PRDM5: variants seen among roughly 807,000 people sequenced by gnomAD.
PRDM5 encodes the protein PR/SET domain 5.
In PRDM5, 56 loss-of-function variants were observed where a neutral mutation model predicts 81.2. The observed-to-expected ratio is 0.69, with a 90% confidence interval of 0.56 to 0.86. PRDM5 has a LOEUF of 0.86. PRDM5 is among the 40% of genes least tolerant of loss of function. PRDM5 has a pLI of 0.00. For synonymous variants in PRDM5, 267 were observed against 256.4 expected, an observed-to-expected ratio of 1.04 and a Z score of -0.39; for missense variants, 697 against 770.1, an observed-to-expected ratio of 0.91 and a Z score of 1.12.
At chr4:120,916,062 C>G (rs1724117895) in intron 1 of PRDM5, among the ~76,000 whole-genome samples, 1 of 152,258 alleles carries the variant, frequency 6.6e-6, no homozygotes, top group South Asian at 2.1e-4. Flanking sequence ...CTTCAGCATT[C>G]AGAATATGAT....
intron 2 of PRDM5, among the ~76,000 whole-genome samples, chr4:120,904,207 A>AAAAAAAAAAAAAAAC (rs1561676162): frequency 7.1e-6 from 1 of 141,302 alleles, no homozygotes; most frequent in African/African-American, 2.8e-5. Context: ...AAAAAAAAAC[A>AAAAAAAAAAAAAAAC]AAAAAACCTC....
At chr4:120,911,879 G>A (rs1766554444) in intron 1 of PRDM5, among the ~76,000 whole-genome samples, 1 of 152,140 alleles carries the variant, frequency 6.6e-6, no homozygotes, top group African/African-American at 2.4e-5. Context: ...AATCTCATTT[G>A]CTATCATTAG....
At chr4:120,798,497 C>G (rs1424497808) in intron 9 of PRDM5, 73 bp from the exon 10 acceptor site, 1 of 1,330,798 alleles carries the variant, frequency 7.5e-7, no homozygotes, top group Non-Finnish European at 1.1e-6. Flanking sequence ...ACACCCTTAC[C>G]TTATATTACT....
Position 120,818,470 on chromosome 4 carries a change from C to A in PRDM5, c.533G>T (p.Ser178Ile), listed in dbSNP as rs954624177. The A allele has an allele frequency of 1.2e-6, 2 of 1,613,626 alleles. No individual in the cohort carries two copies. The highest frequency in any genetic ancestry group is 1.7e-6 in the Non-Finnish European group (2 of 1,179,556). ...GAGATGCTCAGCAAGAATATCCTCA[C>A]TGGTAAAACTCGATTCACATTGAGG... ...ACPQCESSFT[S>I]EDILAEHLQT... The change falls in exon 5 of 16, where the codon AGT (serine) becomes ATT (isoleucine). Residue 178 changes from serine (S) to isoleucine (I), a missense_variant. Ser to Ile is a moderately radical substitution (Grantham distance 142, BLOSUM62 -2). Transcript: ENST00000264808.
At chr4:120,734,243 CTTTG>C (rs373854525) in intron 14 of PRDM5, among the ~76,000 whole-genome samples, 10,319 of 150,898 alleles carry the variant, frequency 0.068, 451 homozygotes, top group South Asian at 0.16. Context: ...TGGGGGAGGG[CTTTG>C]TTTGTTTGTT....
chr4:120,848,885 C>A (rs1758946822), intron 3 of PRDM5, among the ~76,000 whole-genome samples: 1 of 151,916 alleles, frequency 6.6e-6, no homozygotes, highest in Non-Finnish European at 1.5e-5. Context: ...GGAAGATAAC[C>A]TATTAAAAGA....
intron 1 of PRDM5, among the ~76,000 whole-genome samples, chr4:120,921,364 G>A (rs1579253354): frequency 6.6e-6 from 1 of 152,046 alleles, no homozygotes; most frequent in East Asian, 1.9e-4. Context: ...GAACATTCTC[G>A]CCAACTCCCA....
chr4:120,856,121 T>C (rs1579004302), intron 2 of PRDM5, among the ~76,000 whole-genome samples: 1 of 152,208 alleles, frequency 6.6e-6, no homozygotes, highest in East Asian at 1.9e-4. Flanking sequence ...AATTATTCAG[T>C]ATTAGCAACT....
intron 14 of PRDM5, among the ~76,000 whole-genome samples, chr4:120,727,748 C>G (rs1024650607): frequency 6.6e-6 from 1 of 151,958 alleles, no homozygotes; most frequent in African/African-American, 2.4e-5. Flanking sequence ...CTAGCCTGGC[C>G]AACACGGTGA....
rs114717213 is a variant in PRDM5 at position 120,858,437 on chromosome 4, A to G, written c.178-4897T>C. On this transcript the variant is annotated intron_variant, in intron 2 of 15. Transcript: ENST00000264808. Reference sequence around the variant, plus strand: ...ACCAAAGGGAGACACACTTTCAGAAATCAGCAATGATCATAGCTAGGAAAC... The same window carrying G: ...ACCAAAGGGAGACACACTTTCAGAAGTCAGCAATGATCATAGCTAGGAAAC... Among the ~76,000 whole-genome samples the G allele has an allele frequency of 2.6e-3, 392 of 152,330 alleles. 1 individual carries two copies. Among genetic ancestry groups the G allele is most frequent in the African/African-American group, 9.0e-3 (376 of 41,576 alleles).
intron 13 of PRDM5, among the ~76,000 whole-genome samples, chr4:120,769,669 A>G (rs914295232): frequency 6.6e-6 from 1 of 152,180 alleles, no homozygotes; most frequent in Non-Finnish European, 1.5e-5. Context: ...TTCAAAGAAA[A>G]TGTCTGAAAA....
chr4:120,915,920 C>T (rs1030448806), intron 1 of PRDM5, among the ~76,000 whole-genome samples: 1 of 152,128 alleles, frequency 6.6e-6, no homozygotes, highest in African/African-American at 2.4e-5. Flanking sequence ...ACCATCAGCC[C>T]ACCCAGCACC....
At chr4:120,868,066 CT>C in intron 2 of PRDM5, among the ~76,000 whole-genome samples, 1 of 150,380 alleles carries the variant, frequency 6.6e-6, no homozygotes, top group East Asian at 2.8e-4. Flanking sequence ...TTCTTACTGA[CT>C]CTAACATCTA....
chr4:120,853,656 G>A (rs1347214887), intron 2 of PRDM5, 116 bp from the exon 3 acceptor site: 14 of 1,327,074 alleles, frequency 1.1e-5, no homozygotes, highest in Non-Finnish European at 2.2e-6. Flanking sequence ...ATTGATGGGT[G>A]ATAAATAGAA....
rs1579260374 is a variant in PRDM5, at chr4:120,922,673, T to A, written c.-65A>T. ...CGCTTAGCGCCCGGCAGGCGGCACA[T>A]CGAAATTTGGGGTGCCAGGGTAGAG... On this transcript the variant is annotated 5_prime_UTR_variant, in exon 1 of 16. An upstream start codon of the reference 5' UTR is lost. Coordinates refer to ENST00000264808, the MANE Select transcript of PRDM5 (RefSeq NM_018699.4). The A allele has an allele frequency of 6.5e-7, 1 of 1,543,538 alleles. No homozygotes were observed. The highest frequency in any genetic ancestry group is 2.4e-5 in the East Asian group (1 of 41,014).
chr4:120,922,020 C>A (rs373447990), intron 1 of PRDM5, among the ~76,000 whole-genome samples: 1 of 152,308 alleles, frequency 6.6e-6, no homozygotes, highest in South Asian at 2.1e-4. Flanking sequence ...GCGCTCTGGG[C>A]TGCTCCTCCC....
chr4:120,829,133 A>G (rs1756392978), intron 3 of PRDM5, among the ~76,000 whole-genome samples: 1 of 152,108 alleles, frequency 6.6e-6, no homozygotes, highest in African/African-American at 2.4e-5. Context: ...TAGGATTCCT[A>G]TGAAAAGCTG....
In PRDM5 at chr4:120,852,521, G is replaced by T. The variant is rs907521805; in HGVS notation, c.300+897C>A. Among the ~76,000 whole-genome samples the T allele has an allele frequency of 2.0e-5, 3 of 152,118 alleles. No homozygotes were observed. In the South Asian group the frequency reaches 6.2e-4, roughly 32 times the overall value. On this transcript the variant is annotated intron_variant, in intron 3 of 15. Transcript: ENST00000264808. ...AACGCTAGCTCTTCTTGCCTGATGGGTTTCCAAGTGGGATATCAGCTCTTC... is the reference window on the plus strand; with the variant it reads ...AACGCTAGCTCTTCTTGCCTGATGGTTTTCCAAGTGGGATATCAGCTCTTC...
intron 13 of PRDM5, among the ~76,000 whole-genome samples, chr4:120,764,498 T>C (rs565168551): frequency 1.8e-4 from 28 of 152,118 alleles, no homozygotes; most frequent in Middle Eastern, 3.4e-3. Flanking sequence ...ATATTACTAA[T>C]GAAAGCCAAA....
Sources: allele counts gnomAD v4.1 joint callset (sites outside exome capture counted in the v4.1 genomes callset), GRCh38; gene constraint gnomAD v4.1.1; transcripts MANE v1.5; gene names NCBI Gene and HGNC (gene_info 2026-07-23, HGNC 2026-07-21).